Variants in LINGO2 observed in about 807,000 individuals in gnomAD.
LINGO2 encodes leucine rich repeat and Ig domain containing 2.
A neutral mutation model predicts 30.6 loss-of-function variants in LINGO2; 14 were observed. The observed-to-expected ratio is 0.46, with a 90% CI of 0.30 to 0.72. LINGO2 has a LOEUF of 0.72. Among genes scored for constraint, LINGO2 ranks in the 30% least tolerant of loss-of-function variants. The pLI is 0.07. For missense variants in LINGO2, 729 were observed against 751.7 expected (o/e 0.97, Z 0.35); for synonymous variants, 317 against 288.5 (o/e 1.10, Z -1.00).
chr9:28,022,396 C>T (rs1487038704), intron 4 of LINGO2, among the ~76,000 whole-genome samples: 4 of 151,962 alleles, frequency 2.6e-5, no homozygotes, highest in Non-Finnish European at 5.9e-5. Flanking sequence ...CTTCCTTATT[C>T]CTTCTGTTAC....
chr9:28,205,636 A>C (rs1031255442), intron 4 of LINGO2, among the ~76,000 whole-genome samples: 3 of 152,194 alleles, frequency 2.0e-5, no homozygotes, highest in Non-Finnish European at 2.9e-5. Flanking sequence ...AGAAACAAAG[A>C]AGAAAACATG....
chr9:28,836,973 A>G, the LINGO2 span, among the ~76,000 whole-genome samples: 9 of 152,212 alleles, frequency 5.9e-5, no homozygotes, highest in African/African-American at 1.9e-4. Context: ...GTACTATTCT[A>G]TACTTTAGTC....
At chr9:28,777,536 T>C in the LINGO2 span, among the ~76,000 whole-genome samples, 1 of 152,206 alleles carries the variant, frequency 6.6e-6, no homozygotes, top group South Asian at 2.1e-4. Context: ...TCAAACTGTG[T>C]GCCAGTGAGG....
the LINGO2 span, among the ~76,000 whole-genome samples, chr9:28,882,372 G>A: frequency 6.6e-6 from 1 of 152,140 alleles, no homozygotes; most frequent in Admixed American, 6.5e-5. Context: ...TTGAACTCCA[G>A]CTCTGCCATT....
At chr9:29,158,435 A>C in the LINGO2 span, among the ~76,000 whole-genome samples, 1 of 152,212 alleles carries the variant, frequency 6.6e-6, no homozygotes, top group African/African-American at 2.4e-5. Context: ...TTAATAACTA[A>C]ATGAGAACAA....
intron 1 of LINGO2, among the ~76,000 whole-genome samples, chr9:28,546,847 C>G (rs1209660665): frequency 6.6e-6 from 1 of 151,876 alleles, no homozygotes; most frequent in Non-Finnish European, 1.5e-5. Flanking sequence ...TTTCTGAACC[C>G]CAATAGTAGA....
intron 1 of LINGO2, among the ~76,000 whole-genome samples, chr9:28,646,971 A>C (rs1169283769): frequency 6.6e-6 from 1 of 152,108 alleles, no homozygotes; most frequent in African/African-American, 2.4e-5. Flanking sequence ...GTTAAGAGAC[A>C]TAATTCCAGA....
chr9:28,263,605 T>G (rs1401887740), intron 4 of LINGO2, among the ~76,000 whole-genome samples: 1 of 151,998 alleles, frequency 6.6e-6, no homozygotes, highest in Non-Finnish European at 1.5e-5. Context: ...CATTTATTTC[T>G]CTCAAAAGTA....
the LINGO2 span, among the ~76,000 whole-genome samples, chr9:29,069,518 T>C: frequency 6.6e-6 from 1 of 152,056 alleles, no homozygotes; most frequent in Non-Finnish European, 1.5e-5. Flanking sequence ...TTCTCTCTTT[T>C]AAGAGCAAAA....
intron 4 of LINGO2, among the ~76,000 whole-genome samples, chr9:28,108,074 C>T (rs1047181864): frequency 8.7e-4 from 132 of 152,284 alleles, no homozygotes; most frequent in African/African-American, 3.1e-3. Flanking sequence ...GCTAGCAGCA[C>T]TGCCAGAACC....
At chr9:28,505,723 T>C (rs891450990) in intron 1 of LINGO2, among the ~76,000 whole-genome samples, 9 of 151,914 alleles carry the variant, frequency 5.9e-5, no homozygotes, top group African/African-American at 2.2e-4. Context: ...ATAACCTGCA[T>C]TTGTAAACCC....
chr9:28,320,972 G>A (rs1825020060), intron 3 of LINGO2, among the ~76,000 whole-genome samples: 4 of 152,148 alleles, frequency 2.6e-5, no homozygotes, highest in Admixed American at 1.3e-4. Context: ...AATGCACTTT[G>A]TCTTGCAGCT....
At chr9:29,161,547 T>C in the LINGO2 span, among the ~76,000 whole-genome samples, 1 of 152,204 alleles carries the variant, frequency 6.6e-6, no homozygotes, top group Non-Finnish European at 1.5e-5. Context: ...TTCTCAAACA[T>C]TGGTGTACAT....
chr9:29,130,907 C>A, the LINGO2 span, among the ~76,000 whole-genome samples: 2 of 152,132 alleles, frequency 1.3e-5, no homozygotes, highest in Admixed American at 6.6e-5. Flanking sequence ...GCCTGTGATA[C>A]CTGAAGCCTG....
In LINGO2 at chr9:28,660,685, AT is replaced by A. The variant is rs537110682; in HGVS notation, c.-365+9514del. Among the ~76,000 whole-genome samples, 103 of 152,118 alleles carry A rather than the reference AT, an allele frequency of 6.8e-4. 1 individual carries two copies. The highest frequency in any genetic ancestry group is 2.3e-3 in the African/African-American group (95 of 41,516). On this transcript the variant is annotated intron_variant, in intron 1 of 5. Coordinates refer to ENST00000379992, the Ensembl canonical transcript of LINGO2. ...ATACTTGCTAATTCAGGATATGTTA[AT>A]TTTTTTTCCTTACACTAGATTCTAG... is the stretch of plus-strand genomic sequence containing the variant.
At chr9:28,841,573 C>T in the LINGO2 span, among the ~76,000 whole-genome samples, 5 of 150,654 alleles carry the variant, frequency 3.3e-5, 1 homozygote, top group African/African-American at 1.2e-4. Context: ...AATAAACAAG[C>T]AATTAAATAA....
chr9:29,041,816 A>G, the LINGO2 span, among the ~76,000 whole-genome samples: 2 of 152,040 alleles, frequency 1.3e-5, no homozygotes, highest in African/African-American at 2.4e-5. Context: ...TATCAAAATT[A>G]AAAATGTTTT....
chr9:28,783,070 T>C, the LINGO2 span, among the ~76,000 whole-genome samples: 1 of 152,222 alleles, frequency 6.6e-6, no homozygotes, highest in Non-Finnish European at 1.5e-5. Flanking sequence ...ATGGAGCAAC[T>C]GGCATATATT....
intron 1 of LINGO2, among the ~76,000 whole-genome samples, chr9:28,641,497 T>C (rs1053595159): frequency 2.6e-5 from 4 of 152,128 alleles, no homozygotes; most frequent in Non-Finnish European, 5.9e-5. Context: ...AATATACCAT[T>C]GCTGTAGCTG....
Sources: gnomAD v4.1 joint callset for allele counts (sites outside exome capture counted in the v4.1 genomes callset) on GRCh38, gnomAD v4.1.1 for gene constraint, MANE v1.5 for transcripts, NCBI Gene and HGNC (gene_info 2026-07-23, HGNC 2026-07-21) for gene names.